ANKRD62: variants seen among roughly 807,000 people sequenced by gnomAD.
ANKRD62 encodes the protein ankyrin repeat domain 62, also known as ankyrin repeat domain-containing protein 62.
A neutral mutation model predicts 98.8 loss-of-function variants in ANKRD62; 61 were observed. The observed-to-expected ratio is 0.62, with a 90% CI of 0.50 to 0.76. The LOEUF is 0.76. Ranked by LOEUF, ANKRD62 falls within the 30% of genes least tolerant of loss-of-function variation. The pLI is 0.00. For synonymous variants in ANKRD62, 341 were observed against 367.9 expected, an observed-to-expected ratio of 0.93 and a Z score of 0.84; for missense variants, 933 against 1,082.9, an observed-to-expected ratio of 0.86 and a Z score of 1.94.
At chr18:12,132,553 T>C (rs1910021235), downstream of ANKRD62, among the ~76,000 whole-genome samples, 1 of 152,098 alleles carries the variant, frequency 6.6e-6, no homozygotes, top group Non-Finnish European at 1.5e-5. Context: ...TGACATGCCT[T>C]CTCGATCTTC....
At chr18:12,141,428 C>T in the ANKRD62 span, among the ~76,000 whole-genome samples, 2 of 152,318 alleles carry the variant, frequency 1.3e-5, no homozygotes, top group South Asian at 2.1e-4. Flanking sequence ...TCTTCTGTGT[C>T]GCTCACACTG....
chr18:12,151,040 C>T, the ANKRD62 span, among the ~76,000 whole-genome samples: 28 of 152,264 alleles, frequency 1.8e-4, no homozygotes, highest in Admixed American at 1.4e-3. Flanking sequence ...CTTCAAGAAA[C>T]GTGTCTAACA....
the ANKRD62 span, among the ~76,000 whole-genome samples, chr18:12,139,752 C>T: frequency 6.6e-4 from 101 of 152,202 alleles, 1 homozygote; most frequent in Admixed American, 1.9e-3. Context: ...GTGGGTAACC[C>T]GACCTTTCTC....
chr18:12,157,937 T>C, the ANKRD62 span, among the ~76,000 whole-genome samples: 1 of 152,232 alleles, frequency 6.6e-6, no homozygotes, highest in Non-Finnish European at 1.5e-5. Flanking sequence ...GAACCCCTTA[T>C]GTTCTTGGAA....
In ANKRD62 at chr18:12,094,255, GGGA is replaced by G; in HGVS notation, c.218+26_218+28del. ...GAACAGGTAAGGGGAACAGGAAGCCGGGAGGAGGCCTGGGGATATGGGAGAAGC... is the reference window on the plus strand; with the variant it reads ...GAACAGGTAAGGGGAACAGGAAGCCGGGAGGCCTGGGGATATGGGAGAAGC... On this transcript the variant is annotated intron_variant, in intron 1 of 13. Coordinates refer to ENST00000587848, the MANE Select transcript of ANKRD62 (RefSeq NM_001277333.2). 6.6e-7 allele frequency: 1 copy of G among 1,512,284 alleles called. No individual in the cohort carries two copies. Among genetic ancestry groups the G allele is most frequent in the South Asian group, 1.2e-5 (1 of 82,688 alleles). The allele number at this position is 1,512,284 out of a possible 1,614,324, so 93.7% of individuals were successfully genotyped here. A position where few individuals can be genotyped will look rare whatever the true frequency, so the allele number is the denominator to read the frequency against.
chr18:12,161,592 A>G, the ANKRD62 span, among the ~76,000 whole-genome samples: 1 of 152,042 alleles, frequency 6.6e-6, no homozygotes, highest in Non-Finnish European at 1.5e-5. Flanking sequence ...GACTATAGTC[A>G]CCCTGTTGTG....
chr18:12,176,795 C>G, the ANKRD62 span, among the ~76,000 whole-genome samples: 1 of 120,946 alleles, frequency 8.3e-6, no homozygotes, highest in Non-Finnish European at 1.7e-5. Flanking sequence ...GTCTATCCTG[C>G]CTTTGTAAAC....
chr18:12,161,430 A>G, the ANKRD62 span, among the ~76,000 whole-genome samples: 1 of 151,962 alleles, frequency 6.6e-6, no homozygotes, highest in Non-Finnish European at 1.5e-5. Context: ...GTAGGTATAT[A>G]TATTTGTTGA....
chr18:12,146,430 G>A, the ANKRD62 span, among the ~76,000 whole-genome samples: 2 of 152,250 alleles, frequency 1.3e-5, no homozygotes, highest in African/African-American at 4.8e-5. Flanking sequence ...TGAAAATGGG[G>A]CCAGACTTTT....
At chr18:12,145,449 G>A in the ANKRD62 span, among the ~76,000 whole-genome samples, 2 of 152,254 alleles carry the variant, frequency 1.3e-5, no homozygotes, top group Non-Finnish European at 2.9e-5. Context: ...AATAGTCAAC[G>A]AGGGGCTGTT....
chr18:12,115,562 C>T, intron 10 of ANKRD62, 28 bp downstream of exon 10: 1 of 1,521,350 alleles, frequency 6.6e-7, no homozygotes, highest in South Asian at 1.2e-5. Context: ...ATATAAGGCT[C>T]TTTCCCTATC....
the ANKRD62 span, among the ~76,000 whole-genome samples, chr18:12,165,015 C>T: frequency 6.6e-6 from 1 of 151,932 alleles, no homozygotes; most frequent in Admixed American, 6.6e-5. Flanking sequence ...GAATTGACCC[C>T]TTTATCATTA....
At position 12,095,624 on chromosome 18, in the gene ANKRD62, A is replaced by G; in HGVS notation, c.507+14A>G. 1 of 1,477,050 alleles carries G rather than the reference A, an allele frequency of 6.8e-7. No individual in the cohort carries two copies. Among genetic ancestry groups the G allele is most frequent in the African/African-American group, 1.4e-5 (1 of 71,096 alleles). The allele number at this position is 1,477,050 out of a possible 1,614,324, so 91.5% of individuals were successfully genotyped here. On this transcript the variant is annotated intron_variant, in intron 3 of 13. Transcript: ENST00000587848. ...GCAAGAAGCCAGGTATGATCAACCA[A>G]TGTTCTTTTCAAAGTATTTCAAGTA...
chr18:12,153,102 C>T, the ANKRD62 span, among the ~76,000 whole-genome samples: 2 of 152,106 alleles, frequency 1.3e-5, no homozygotes, highest in East Asian at 1.9e-4. Flanking sequence ...ACAAAGGAGG[C>T]GAAAGAGCTC....
chr18:12,125,438 G>A, intron 12 of ANKRD62, 22 bp from the exon 13 acceptor site: 1 of 1,432,466 alleles, frequency 7.0e-7, no homozygotes, highest in Non-Finnish European at 9.1e-7. Context: ...TGCTAGTTGA[G>A]AGTTTTCTTT....
intron 8 of ANKRD62, among the ~76,000 whole-genome samples, chr18:12,110,242 CTAAT>C (rs1378648596): frequency 6.6e-6 from 1 of 152,086 alleles, no homozygotes; most frequent in African/African-American, 2.4e-5. Context: ...TTTAGTATGA[CTAAT>C]TGTTTTGTGT....
intron 10 of ANKRD62, among the ~76,000 whole-genome samples, chr18:12,121,215 G>C (rs1439811978): frequency 6.6e-6 from 1 of 152,160 alleles, no homozygotes; most frequent in Non-Finnish European, 1.5e-5. Flanking sequence ...ATTGTCTCGA[G>C]CTTTGTTTGG....
At chr18:12,137,809 C>A in the ANKRD62 span, among the ~76,000 whole-genome samples, 2 of 152,118 alleles carry the variant, frequency 1.3e-5, no homozygotes, top group African/African-American at 4.8e-5. Context: ...TCTATTTCTT[C>A]TTGATTTTCT....
At chr18:12,136,955 TG>T in the ANKRD62 span, among the ~76,000 whole-genome samples, 1 of 152,076 alleles carries the variant, frequency 6.6e-6, no homozygotes, top group Non-Finnish European at 1.5e-5. Context: ...TGGGCTGAGA[TG>T]ATGGGGTTTT....
Sources: allele counts gnomAD v4.1 joint callset (sites outside exome capture counted in the v4.1 genomes callset), GRCh38; gene constraint gnomAD v4.1.1; transcripts MANE v1.5; gene names NCBI Gene and HGNC (gene_info 2026-07-23, HGNC 2026-07-21).